USP15: variants seen among roughly 807,000 people sequenced by gnomAD.
The protein encoded by USP15 is ubiquitin specific peptidase 15.
In USP15, 18 loss-of-function variants were observed where a neutral mutation model predicts 127.1. That is an observed-to-expected ratio of 0.14 (90% CI 0.10 to 0.21). The LOEUF is 0.21. Among genes scored for constraint, USP15 ranks in the 10% least tolerant of loss-of-function variants. The probability of loss-of-function intolerance (pLI) is 1.00; values close to 1 mark genes in which losing one functional copy is unlikely to be tolerated. For missense variants in USP15, 805 were observed against 1,159.9 expected (o/e 0.69, Z 4.44); for synonymous variants, 364 against 393.7 (o/e 0.92, Z 0.89).
chr12:62,386,703 T>G (rs977588204), intron 11 of USP15, among the ~76,000 whole-genome samples: 1 of 152,108 alleles, frequency 6.6e-6, no homozygotes, highest in African/African-American at 2.4e-5. Context: ...TTGATGCCAG[T>G]ATAGGAAGTT....
intron 5 of USP15, among the ~76,000 whole-genome samples, chr12:62,324,600 A>G (rs1352578627): frequency 1.3e-5 from 2 of 152,018 alleles, no homozygotes; most frequent in Non-Finnish European, 2.9e-5. Context: ...ACTTGTCTCT[A>G]GTAGGTAGGG....
At chr12:62,396,026 G>A (rs2067479309) in intron 19 of USP15, among the ~76,000 whole-genome samples, 1 of 151,882 alleles carries the variant, frequency 6.6e-6, no homozygotes, top group Non-Finnish European at 1.5e-5. Context: ...TATCTCTTCA[G>A]TATACTCAAT....
chr12:62,402,017 C>T (rs1484370697), intron 21 of USP15, among the ~76,000 whole-genome samples: 1 of 150,912 alleles, frequency 6.6e-6, no homozygotes, highest in East Asian at 1.9e-4. Context: ...TTTTAATTAA[C>T]CACATTTTTT....
intron 1 of USP15, among the ~76,000 whole-genome samples, chr12:62,289,697 T>TTGTGTG (rs71450579): frequency 0.14 from 18,339 of 135,282 alleles, 1,405 homozygotes; most frequent in East Asian, 0.21. Flanking sequence ...GGTTGTTAAT[T>TTGTGTG]TGTGTGTGTG....
At chr12:62,286,669 G>T (rs944136846) in intron 1 of USP15, among the ~76,000 whole-genome samples, 8 of 152,162 alleles carry the variant, frequency 5.3e-5, no homozygotes, top group Non-Finnish European at 2.9e-5. Context: ...CGGGCGTGGT[G>T]GCTCATGCCT....
At chr12:62,351,866 A>C (rs1025314251) in intron 7 of USP15, among the ~76,000 whole-genome samples, 5 of 151,842 alleles carry the variant, frequency 3.3e-5, no homozygotes, top group Admixed American at 2.6e-4. Context: ...ACAGAACTTA[A>C]GCATTCGTAA....
At chr12:62,338,689 G>A (rs2065556404) in intron 6 of USP15, among the ~76,000 whole-genome samples, 2 of 152,048 alleles carry the variant, frequency 1.3e-5, no homozygotes, top group South Asian at 4.1e-4. Context: ...TCTGCATATG[G>A]CTAGCCAGTT....
At chr12:62,383,692 A>G (rs922652106) in intron 9 of USP15, 148 bp from the exon 10 acceptor site, 3 of 987,628 alleles carry the variant, frequency 3.0e-6, no homozygotes, top group Admixed American at 3.1e-5. Context: ...ACAAATGACC[A>G]TGAATTGATT....
chr12:62,380,390 A>G (rs1397158539), intron 8 of USP15, among the ~76,000 whole-genome samples: 2 of 152,054 alleles, frequency 1.3e-5, no homozygotes, highest in East Asian at 1.9e-4. Flanking sequence ...TGCATAGTAT[A>G]TAGTCGTAGT....
intron 3 of USP15, among the ~76,000 whole-genome samples, chr12:62,307,503 G>A (rs933226272): frequency 6.6e-6 from 1 of 152,012 alleles, no homozygotes; most frequent in Non-Finnish European, 1.5e-5. Context: ...GTGTATGGGG[G>A]GCAGAAAACT....
chr12:62,375,429 A>G (rs2066795655), intron 8 of USP15, among the ~76,000 whole-genome samples: 1 of 152,098 alleles, frequency 6.6e-6, no homozygotes, highest in African/African-American at 2.4e-5. Context: ...TCTTTCTACT[A>G]TACAAGTTCC....
intron 5 of USP15, among the ~76,000 whole-genome samples, chr12:62,323,532 A>G (rs1054316987): frequency 2.0e-4 from 30 of 152,200 alleles, no homozygotes; most frequent in African/African-American, 6.5e-4. Flanking sequence ...AATATGTATT[A>G]CAGTTAAAAG....
At chr12:62,264,171 A>G (rs531635709) in intron 1 of USP15, among the ~76,000 whole-genome samples, 2 of 152,104 alleles carry the variant, frequency 1.3e-5, no homozygotes, top group South Asian at 2.1e-4. Flanking sequence ...TTTAGTAGAG[A>G]CAGGGTTTCC....
chr12:62,375,618 A>G (rs987016074), intron 8 of USP15, among the ~76,000 whole-genome samples: 1 of 152,204 alleles, frequency 6.6e-6, no homozygotes, highest in Non-Finnish European at 1.5e-5. Context: ...TACGACATTT[A>G]GAAGAGATGT....
At chr12:62,353,470 C>T (rs545708548) in intron 7 of USP15, among the ~76,000 whole-genome samples, 1 of 151,136 alleles carries the variant, frequency 6.6e-6, no homozygotes, top group Non-Finnish European at 1.5e-5. Flanking sequence ...AGTCTTTTCA[C>T]GTGTGTGTGT....
chr12:62,375,262 C>T (rs2066790377), intron 8 of USP15, among the ~76,000 whole-genome samples: 1 of 152,042 alleles, frequency 6.6e-6, no homozygotes, highest in Admixed American at 6.6e-5. Flanking sequence ...GGGTTATTTT[C>T]CTTCATTAGG....
intron 1 of USP15, among the ~76,000 whole-genome samples, chr12:62,291,851 C>T (rs1485462681): frequency 6.6e-6 from 1 of 152,140 alleles, no homozygotes; most frequent in Non-Finnish European, 1.5e-5. Flanking sequence ...CTCACAGCCT[C>T]CTGTAAGTCA....
At chr12:62,266,353 C>T (rs1238671366) in intron 1 of USP15, among the ~76,000 whole-genome samples, 1 of 152,124 alleles carries the variant, frequency 6.6e-6, no homozygotes, top group East Asian at 1.9e-4. Flanking sequence ...TCTTCTTGGA[C>T]TTAAATCCAT....
intron 1 of USP15, among the ~76,000 whole-genome samples, chr12:62,279,665 G>A (rs765589107): frequency 3.3e-5 from 5 of 151,944 alleles, no homozygotes; most frequent in East Asian, 3.9e-4. Context: ...ATCCTAACAC[G>A]TGTGAGGTGA....
Sources: gnomAD v4.1 joint callset for allele counts (sites outside exome capture counted in the v4.1 genomes callset) on GRCh38, gnomAD v4.1.1 for gene constraint, MANE v1.5 for transcripts, NCBI Gene and HGNC (gene_info 2026-07-23, HGNC 2026-07-21) for gene names.